Variants in BANP observed in about 807,000 individuals in gnomAD.
The protein encoded by BANP is BTG3 associated nuclear protein, also known as protein BANP.
Under a neutral mutation model 68.1 loss-of-function variants are expected in BANP, and 11 were observed. The observed-to-expected ratio is 0.16, with a 90% CI of 0.10 to 0.27. The LOEUF (loss-of-function observed/expected upper bound fraction) is 0.27. Among genes scored for constraint, BANP ranks in the 10% least tolerant of loss-of-function variants. The probability of loss-of-function intolerance (pLI) is 1.00; values close to 1 mark genes in which losing one functional copy is unlikely to be tolerated. For synonymous variants in BANP, 329 were observed against 303.2 expected (o/e 1.09, Z -0.88); for missense variants, 504 against 722.7 (o/e 0.70, Z 3.47).
intron 1 of BANP, among the ~76,000 whole-genome samples, chr16:87,972,025 T>G (rs886264105): frequency 6.6e-6 from 1 of 152,166 alleles, no homozygotes; most frequent in African/African-American, 2.4e-5. Context: ...GCTATCAACC[T>G]CAAATGGTCC....
At chr16:88,030,242 C>G in intron 8 of BANP, among the ~76,000 whole-genome samples, 1 of 152,136 alleles carries the variant, frequency 6.6e-6, no homozygotes, top group Non-Finnish European at 1.5e-5. Flanking sequence ...GACCTATGAT[C>G]AGAAAATCAG....
chr16:87,999,307 A>T (rs35326170), intron 4 of BANP, among the ~76,000 whole-genome samples: 16 of 101,502 alleles, frequency 1.6e-4, no homozygotes, highest in African/African-American at 3.9e-4. Flanking sequence ...TGTACTTACC[A>T]GGCCTTCCAG....
intron 11 of BANP, among the ~76,000 whole-genome samples, chr16:88,056,088 G>T (rs1268969420): frequency 1.3e-5 from 2 of 152,208 alleles, no homozygotes; most frequent in African/African-American, 2.4e-5. Flanking sequence ...GTCTGGGGAG[G>T]TGGGGCCCTG....
intron 11 of BANP, among the ~76,000 whole-genome samples, chr16:88,042,903 C>G (rs892681699): frequency 1.3e-5 from 2 of 152,186 alleles, no homozygotes; most frequent in African/African-American, 2.4e-5. Context: ...GGCAACAGAG[C>G]AAGACCCTGT....
At chr16:88,067,470 G>C (rs1471883089) in intron 12 of BANP, among the ~76,000 whole-genome samples, 2 of 152,172 alleles carry the variant, frequency 1.3e-5, no homozygotes, top group African/African-American at 2.4e-5. Context: ...ACGGGACCCA[G>C]GGGCTTGTCC....
chr16:88,072,711 C>G (rs558564865), intron 13 of BANP, among the ~76,000 whole-genome samples: 7 of 152,348 alleles, frequency 4.6e-5, no homozygotes, highest in Admixed American at 2.0e-4. Context: ...CAGGCAGAAG[C>G]CCCCGAGGGT....
intron 11 of BANP, among the ~76,000 whole-genome samples, chr16:88,047,834 C>G (rs547801424): frequency 3.9e-5 from 6 of 152,310 alleles, no homozygotes; most frequent in African/African-American, 1.4e-4. Context: ...AGTAATGCAC[C>G]CAAATGTTGG....
At chr16:88,058,688 C>T (rs1172404293) in intron 11 of BANP, among the ~76,000 whole-genome samples, 1 of 151,886 alleles carries the variant, frequency 6.6e-6, no homozygotes, top group Non-Finnish European at 1.5e-5. Flanking sequence ...TGTAGGAAGC[C>T]TGTGGTATCT....
At chr16:87,962,430 C>T (rs1319701568) in intron 1 of BANP, among the ~76,000 whole-genome samples, 1 of 151,994 alleles carries the variant, frequency 6.6e-6, no homozygotes, top group East Asian at 1.9e-4. Flanking sequence ...TGGTAAATAT[C>T]GATAGGTAGA....
chr16:88,053,576 T>C (rs112326503), intron 11 of BANP, among the ~76,000 whole-genome samples: 2 of 37,552 alleles, frequency 5.3e-5, no homozygotes, highest in African/African-American at 5.3e-5. Context: ...ATCATCTCCA[T>C]CATCATCATC....
At chr16:88,070,402 A>G (rs2090005597) in intron 12 of BANP, among the ~76,000 whole-genome samples, 1 of 152,184 alleles carries the variant, frequency 6.6e-6, no homozygotes, top group Non-Finnish European at 1.5e-5. Flanking sequence ...AGAGTCCAGC[A>G]GAACATCTGA....
chr16:88,056,155 C>T (rs1481194286), intron 11 of BANP, among the ~76,000 whole-genome samples: 1 of 152,204 alleles, frequency 6.6e-6, no homozygotes, highest in African/African-American at 2.4e-5. Flanking sequence ...TGGAGGGGTC[C>T]TTGTGGCCCC....
intron 13 of BANP, among the ~76,000 whole-genome samples, chr16:88,073,778 A>G (rs1036258304): frequency 2.6e-5 from 4 of 152,210 alleles, no homozygotes; most frequent in Admixed American, 2.6e-4. Context: ...GTCCTGCTGC[A>G]TTATAAGTTT....
chr16:88,011,860 A>G (rs1159464061), intron 6 of BANP, among the ~76,000 whole-genome samples: 1 of 151,840 alleles, frequency 6.6e-6, no homozygotes, highest in Non-Finnish European at 1.5e-5. Flanking sequence ...TCCCATCCCA[A>G]ATATTCATTA....
In BANP at chr16:87,966,257, G is replaced by T. The variant is rs73240783; in HGVS notation, c.-68-8791G>T. 4.0e-3 allele frequency among the ~76,000 whole-genome samples: 614 copies of T among 152,234 alleles called. 5 individuals carry two copies. The highest frequency in any genetic ancestry group is 0.014 in the African/African-American group (578 of 41,548). On this transcript the variant is annotated intron_variant, in intron 1 of 13. Coordinates refer to ENST00000682872, the MANE Select transcript of BANP (RefSeq NM_001386991.1). ...ATTCAGGGTGTTACTCTGGGCTGTA[G>T]GCCCTGCTTTCCCATATGCGCCCTG...
At chr16:88,068,740 C>G (rs898613111) in intron 12 of BANP, among the ~76,000 whole-genome samples, 1 of 152,186 alleles carries the variant, frequency 6.6e-6, no homozygotes, top group African/African-American at 2.4e-5. Context: ...CCTCCCCAGC[C>G]CCCTTTCCAA....
chr16:88,033,190 C>G lies in BANP; in HGVS notation c.1145C>G (p.Ala382Gly). ...CCGCAGGCCCTGCACTACGCGCTGG[C>G]CAACGCACAGCAGGTGCAGATCCAC... ...PQPQALHYAL[A>G]NAQQVQIHQI... The change falls in exon 9 of 14, where the codon GCC becomes GGC. Residue 382 changes from alanine (A) to glycine (G), a missense_variant. By Grantham distance (60) the Ala-to-Gly change is moderately conservative. Around this residue, in one of 3 missense-constraint regions of BANP, gnomAD observed 223 missense variants for 246.2 expected, o/e 0.91. Coordinates refer to ENST00000682872, the MANE Select transcript of BANP (RefSeq NM_001386991.1). 6.2e-7 allele frequency: 1 copy of G among 1,610,838 alleles called. No homozygotes were observed. The highest frequency in any genetic ancestry group is 8.5e-7 in the Non-Finnish European group (1 of 1,177,594).
chr16:88,004,476 A>C lies in BANP; in HGVS notation c.479+65A>C. 6.4e-6 allele frequency: 6 copies of C among 933,804 alleles called. No individual in the cohort carries two copies. Among genetic ancestry groups the C allele is most frequent in the African/African-American group, 1.7e-5 (1 of 59,816 alleles). The allele number at this position is 933,804 out of a possible 1,614,324, so 57.8% of individuals were successfully genotyped here. ...GTGCGGAGTCCCATGAGAATAAGTC[A>C]ACGTCCCTAAGCCAGGGCACAGTCC... On this transcript the variant is annotated intron_variant, in intron 5 of 13. Coordinates refer to ENST00000682872, the MANE Select transcript of BANP (RefSeq NM_001386991.1). This position sits in a 1 kb window ranked among gnomAD's most constrained non-coding sequence, Gnocchi z 7.0.
At chr16:87,954,214 G>C (rs1282940992) in intron 1 of BANP, among the ~76,000 whole-genome samples, 1 of 152,074 alleles carries the variant, frequency 6.6e-6, no homozygotes, top group Non-Finnish European at 1.5e-5. Context: ...CTGGGAGAGG[G>C]CTTTAATATG....
Sources: allele counts gnomAD v4.1 joint callset (sites outside exome capture counted in the v4.1 genomes callset), GRCh38; gene constraint gnomAD v4.1.1; regional missense constraint gnomAD v4.1.1; non-coding constraint Gnocchi (gnomAD v3.1); transcripts MANE v1.5; gene names NCBI Gene and HGNC (gene_info 2026-07-23, HGNC 2026-07-21).